Variants in EPG5 observed in about 807,000 individuals in gnomAD.
EPG5 encodes ectopic P granules protein 5 homolog.
Under a neutral mutation model 302.7 loss-of-function variants are expected in EPG5, and 159 were observed. That is an observed-to-expected ratio of 0.53 (90% CI 0.46 to 0.60). The LOEUF (loss-of-function observed/expected upper bound fraction) is 0.60. Ranked by LOEUF, EPG5 falls within the 20% of genes least tolerant of loss-of-function variation. The pLI is 0.00. For missense variants in EPG5, 2,896 were observed against 3,092.4 expected, an observed-to-expected ratio of 0.94 and a Z score of 1.51; for synonymous variants, 1,158 against 1,136.8, an observed-to-expected ratio of 1.02 and a Z score of -0.37.
At position 45,867,608 on chromosome 18, in the gene EPG5, G is replaced by A. The variant is rs374063690; in HGVS notation, c.6366C>T (p.Phe2122=). 5.7e-5 allele frequency: 92 copies of A among 1,613,920 alleles called. No individual in the cohort carries two copies. Among genetic ancestry groups the A allele is most frequent in the Non-Finnish European group, 7.4e-5 (87 of 1,180,002 alleles). ...CTTCCTTTGCCAATAAAATCATCAT[G>A]AAAAGGAGGCAGACAATCATGCTGC... ...ETRSMIVCLL[F]MMILLAKEVQ... Residue 2122 remains phenylalanine (F), a synonymous_variant, in exon 37 of 44, where the codon TTC becomes TTT. Coordinates refer to ENST00000282041, the MANE Select transcript of EPG5 (RefSeq NM_020964.3).
chr18:45,931,228 TCAGA>T (rs2050389150), intron 11 of EPG5, among the ~76,000 whole-genome samples: 1 of 152,174 alleles, frequency 6.6e-6, no homozygotes, highest in African/African-American at 2.4e-5. Context: ...TTGGTAACTG[TCAGA>T]CAAACAAAGA....
intron 35 of EPG5, among the ~76,000 whole-genome samples, chr18:45,871,263 G>C (rs931872914): frequency 6.6e-6 from 1 of 152,294 alleles, no homozygotes; most frequent in East Asian, 1.9e-4. Context: ...AGCTGTTATC[G>C]AAAAGATGAA....
At chr18:45,936,350 T>G (rs141474300) in intron 10 of EPG5, among the ~76,000 whole-genome samples, 315 of 152,304 alleles carry the variant, frequency 2.1e-3, no homozygotes, top group African/African-American at 7.1e-3. Context: ...ACTCAATAGA[T>G]GCTTATTAAA....
chr18:45,828,570 A>G, the EPG5 span, among the ~76,000 whole-genome samples: 1 of 152,214 alleles, frequency 6.6e-6, no homozygotes, highest in Non-Finnish European at 1.5e-5. Context: ...TGTCATCTTC[A>G]GAACCCCTTG....
chr18:45,837,158 T>A, the EPG5 span: 1 of 1,585,748 alleles, frequency 6.3e-7, no homozygotes, highest in South Asian at 1.1e-5. Flanking sequence ...GATCCCAGGG[T>A]TTTTCCACAG....
chr18:45,954,300 G>T, intron 2 of EPG5, 94 bp downstream of exon 2: 2 of 1,156,038 alleles, frequency 1.7e-6, no homozygotes, highest in Non-Finnish European at 1.2e-6. Flanking sequence ...CTGAGGCAGG[G>T]TCAGAGTGGG....
chr18:45,801,492 C>T, the EPG5 span, among the ~76,000 whole-genome samples: 1 of 152,130 alleles, frequency 6.6e-6, no homozygotes, highest in Non-Finnish European at 1.5e-5. Flanking sequence ...AGTTATGAAA[C>T]AGGAAACCAG....
At chr18:45,936,419 G>A (rs921226747) in intron 10 of EPG5, among the ~76,000 whole-genome samples, 3 of 151,822 alleles carry the variant, frequency 2.0e-5, no homozygotes, top group African/African-American at 4.8e-5. Flanking sequence ...TGGTGGCCAT[G>A]CCCCAAGTCA....
the EPG5 span, among the ~76,000 whole-genome samples, chr18:45,810,193 T>C: frequency 6.6e-6 from 1 of 152,136 alleles, no homozygotes. Flanking sequence ...CACAGACCAA[T>C]ATCAAGCAGT....
At chr18:45,906,908 G>A (rs1321356907) in intron 24 of EPG5, among the ~76,000 whole-genome samples, 5 of 152,106 alleles carry the variant, frequency 3.3e-5, no homozygotes, top group Admixed American at 6.6e-5. Context: ...TACCCACCTC[G>A]GCCTCCCAAA....
At chr18:45,860,756 T>C (rs1160760159) in intron 39 of EPG5, among the ~76,000 whole-genome samples, 3 of 152,186 alleles carry the variant, frequency 2.0e-5, no homozygotes, top group Admixed American at 6.5e-5. Flanking sequence ...CCACTGTCAC[T>C]GCCACCGCTG....
intron 2 of EPG5, chr18:45,953,875 C>T: frequency 2.0e-6 from 2 of 985,348 alleles, no homozygotes; most frequent in Non-Finnish European, 2.4e-6. Context: ...ATAACACCTT[C>T]AGTTTCCTCA....
intron 11 of EPG5, among the ~76,000 whole-genome samples, chr18:45,932,710 A>G (rs1409725899): frequency 1.3e-5 from 2 of 150,880 alleles, no homozygotes; most frequent in African/African-American, 4.9e-5. Context: ...CAAATTTTGC[A>G]AAGACTCCAC....
chr18:45,897,769 A>G (rs535721509), intron 27 of EPG5, among the ~76,000 whole-genome samples: 5 of 152,376 alleles, frequency 3.3e-5, no homozygotes, highest in African/African-American at 1.2e-4. Context: ...AATGAAAAAT[A>G]CAATACATAT....
chr18:45,835,272 A>C, the EPG5 span, among the ~76,000 whole-genome samples: 5 of 152,186 alleles, frequency 3.3e-5, no homozygotes, highest in Non-Finnish European at 5.9e-5. Context: ...TCCAGACCAG[A>C]CCAGTAAAGG....
At chr18:45,931,213 G>A (rs1041305540) in intron 11 of EPG5, among the ~76,000 whole-genome samples, 7 of 152,204 alleles carry the variant, frequency 4.6e-5, no homozygotes, top group Non-Finnish European at 1.0e-4. Flanking sequence ...CACACTTGAA[G>A]CTACTTGGTA....
intron 20 of EPG5, 33 bp from the exon 21 acceptor site, chr18:45,913,861 G>A: frequency 6.2e-7 from 1 of 1,608,574 alleles, no homozygotes; most frequent in African/African-American, 1.3e-5. Context: ...GGAGGGGAAG[G>A]AGGAGCTCGC....
At chr18:45,823,948 C>G in the EPG5 span, among the ~76,000 whole-genome samples, 2 of 152,198 alleles carry the variant, frequency 1.3e-5, no homozygotes, top group Non-Finnish European at 2.9e-5. Flanking sequence ...AACCTTATAT[C>G]TGGGGGAGGA....
the EPG5 span, among the ~76,000 whole-genome samples, chr18:45,830,752 A>ACT: frequency 8.5e-6 from 1 of 118,140 alleles, no homozygotes; most frequent in Admixed American, 9.1e-5. Context: ...TGCCAGGCTA[A>ACT]TTTTTTTTTT....
Sources: gnomAD v4.1 joint callset for allele counts (sites outside exome capture counted in the v4.1 genomes callset) on GRCh38, gnomAD v4.1.1 for gene constraint, MANE v1.5 for transcripts, NCBI Gene and HGNC (gene_info 2026-07-23, HGNC 2026-07-21) for gene names.